The following HERC4 variants were observed in gnomAD, a reference collection of about 807,000 sequenced individuals.
HERC4 encodes the protein HECT and RLD domain containing E3 ubiquitin protein ligase 4.
A neutral mutation model predicts 124.3 loss-of-function variants in HERC4; 28 were observed. That is an observed-to-expected ratio of 0.23 (90% CI 0.17 to 0.31). HERC4 has a LOEUF of 0.31. HERC4 is among the 10% of genes least tolerant of loss of function. The pLI is 1.00. For missense variants in HERC4, 713 were observed against 1,229.3 expected, an observed-to-expected ratio of 0.58 and a Z score of 6.28; for synonymous variants, 407 against 421.5, an observed-to-expected ratio of 0.97 and a Z score of 0.42.
chr10:67,942,963 T>C (rs548454551), intron 19 of HERC4, among the ~76,000 whole-genome samples: 2 of 152,284 alleles, frequency 1.3e-5, no homozygotes, highest in South Asian at 4.1e-4. Context: ...CTATTTGTGA[T>C]ACTGAAAATC....
intron 4 of HERC4, among the ~76,000 whole-genome samples, chr10:68,044,157 T>C (rs879694108): frequency 6.6e-6 from 1 of 151,588 alleles, no homozygotes; most frequent in Admixed American, 6.6e-5. Flanking sequence ...AAGCAAGTAT[T>C]CCCTATGCTT....
At chr10:68,070,488 C>T (rs1325160240) in intron 3 of HERC4, 2 of 168,598 alleles carry the variant, frequency 1.2e-5, no homozygotes, top group East Asian at 1.9e-4. Context: ...CGCCTGTAAT[C>T]CCAGCTATTC....
chr10:68,064,660 AC>A (rs1283149729), intron 3 of HERC4, among the ~76,000 whole-genome samples: 1 of 152,064 alleles, frequency 6.6e-6, no homozygotes, highest in African/African-American at 2.4e-5. Context: ...ATTACTTATA[AC>A]AAAAATCTGG....
chr10:67,930,403 C>T (rs1411131860), intron 23 of HERC4, among the ~76,000 whole-genome samples: 2 of 152,110 alleles, frequency 1.3e-5, no homozygotes, highest in African/African-American at 2.4e-5. Flanking sequence ...CCTTGGTTTA[C>T]AGATTTTTGT....
intron 22 of HERC4, among the ~76,000 whole-genome samples, chr10:67,935,381 G>A (rs190052127): frequency 2.6e-4 from 39 of 152,186 alleles, no homozygotes; most frequent in African/African-American, 8.4e-4. Flanking sequence ...TCGTGACCTC[G>A]TGATCCGCCC....
chr10:68,069,996 C>T (rs750909937), intron 3 of HERC4: 927 of 723,540 alleles, frequency 1.3e-3, no homozygotes, highest in Non-Finnish European at 1.5e-3. Flanking sequence ...GAGCAGAGAT[C>T]GTGCCACTGC....
At chr10:67,988,605 G>A (rs2036389337) in intron 15 of HERC4, 58 bp downstream of exon 15, 1 of 1,079,572 alleles carries the variant, frequency 9.3e-7, no homozygotes, top group Admixed American at 2.7e-5. Context: ...AAAATGAACA[G>A]TATCAATCTG....
chr10:68,046,785 A>G (rs1266653956), intron 3 of HERC4, among the ~76,000 whole-genome samples: 2 of 152,182 alleles, frequency 1.3e-5, no homozygotes, highest in Admixed American at 6.5e-5. Context: ...TGGGCAACAT[A>G]GTGAGACCTC....
At chr10:68,026,254 T>C (rs1161638180) in intron 7 of HERC4, among the ~76,000 whole-genome samples, 1 of 152,080 alleles carries the variant, frequency 6.6e-6, no homozygotes, top group East Asian at 1.9e-4. Context: ...CACCACCACA[T>C]CTGGCTAATT....
chr10:68,018,891 C>T (rs1268862918), intron 8 of HERC4, among the ~76,000 whole-genome samples: 2 of 147,914 alleles, frequency 1.4e-5, no homozygotes, highest in African/African-American at 5.0e-5. Flanking sequence ...CAATCAAAAC[C>T]CCACAAGGCT....
chr10:67,997,635 T>C (rs1479110485), intron 9 of HERC4, among the ~76,000 whole-genome samples: 2 of 152,190 alleles, frequency 1.3e-5, no homozygotes, highest in East Asian at 1.9e-4. Context: ...TATTTGGAGA[T>C]AAGGGCATTA....
At chr10:68,054,069 T>C (rs1213536037) in intron 3 of HERC4, among the ~76,000 whole-genome samples, 2 of 152,192 alleles carry the variant, frequency 1.3e-5, no homozygotes, top group African/African-American at 2.4e-5. Flanking sequence ...TTGTTAAAAA[T>C]ACAGATTTCC....
At chr10:68,068,486 CAA>C (rs34779824) in intron 3 of HERC4, 767 of 71,092 alleles carry the variant, frequency 0.011, 5 homozygotes, top group African/African-American at 0.033. Context: ...GACTCCGTTT[CAA>C]AAAAAAAAAA....
intron 3 of HERC4, among the ~76,000 whole-genome samples, chr10:68,046,179 A>G (rs932172091): frequency 1.3e-5 from 2 of 152,180 alleles, no homozygotes; most frequent in Admixed American, 6.5e-5. Flanking sequence ...TGTTTATATC[A>G]AAACATTCCC....
chr10:68,069,072 T>A, intron 3 of HERC4: 1 of 984,092 alleles, frequency 1.0e-6, no homozygotes. Flanking sequence ...GTTTCTAACA[T>A]GAAACAAATG....
intron 3 of HERC4, among the ~76,000 whole-genome samples, chr10:68,059,420 TTTTG>T (rs1393651445): frequency 1.5e-5 from 2 of 136,750 alleles, no homozygotes; most frequent in Non-Finnish European, 3.0e-5. Flanking sequence ...TCCTGGGTTG[TTTTG>T]TTTCTCTCGC....
rs199652898 is a variant in HERC4 at position 67,990,484 on chromosome 10, AAAAG to A, written c.1444-88_1444-85del. Reference sequence around the variant, plus strand: ...AAAAAAAAAAAAGGAAGGCAGGAAGAAAAGAAAGAAAAGGAAAATTTTGCACTAC... The same window carrying A: ...AAAAAAAAAAAAGGAAGGCAGGAAGAAAAGAAAAGGAAAATTTTGCACTAC... On this transcript the variant is annotated intron_variant, in intron 13 of 24. Coordinates refer to ENST00000373700, the MANE Select transcript of HERC4 (RefSeq NM_015601.4). The A allele has an allele frequency of 1.4e-3, 1,199 of 865,322 alleles. 15 individuals carry two copies. In the East Asian group the frequency reaches 0.027, roughly 19 times the overall value. 53.6% of individuals were successfully genotyped at this position (865,322 alleles called of 1,614,324 possible).
chr10:67,981,538 A>G (rs1428688349), intron 15 of HERC4, among the ~76,000 whole-genome samples: 5 of 152,266 alleles, frequency 3.3e-5, no homozygotes, highest in Non-Finnish European at 5.9e-5. Flanking sequence ...CAAATGGACC[A>G]AACACATATT....
intron 15 of HERC4, among the ~76,000 whole-genome samples, chr10:67,987,801 G>C (rs2036345383): frequency 6.6e-6 from 1 of 152,052 alleles, no homozygotes; most frequent in African/African-American, 2.4e-5. Flanking sequence ...GGCCGGTAAA[G>C]GTTTGTTCTT....
Sources: allele counts gnomAD v4.1 joint callset (sites outside exome capture counted in the v4.1 genomes callset), GRCh38; gene constraint gnomAD v4.1.1; transcripts MANE v1.5; gene names NCBI Gene and HGNC (gene_info 2026-07-23, HGNC 2026-07-21).